The following NSMAF variants were observed in gnomAD, a reference collection of about 807,000 sequenced individuals.
The protein encoded by NSMAF is neutral sphingomyelinase activation associated factor.
A neutral mutation model predicts 134.9 loss-of-function variants in NSMAF; 90 were observed. The observed-to-expected ratio is 0.67, with a 90% CI of 0.56 to 0.79. The LOEUF (loss-of-function observed/expected upper bound fraction) is 0.79. Among genes scored for constraint, NSMAF ranks in the 30% least tolerant of loss-of-function variants. The probability of loss-of-function intolerance (pLI) is 0.00; values close to 1 mark genes in which losing one functional copy is unlikely to be tolerated. For synonymous variants in NSMAF, 358 were observed against 389.6 expected (o/e 0.92, Z 0.96); for missense variants, 1,010 against 1,119.0 (o/e 0.90, Z 1.39).
intron 9 of NSMAF, among the ~76,000 whole-genome samples, chr8:58,616,377 G>A (rs893918281): frequency 1.4e-4 from 22 of 151,816 alleles, no homozygotes; most frequent in Admixed American, 1.3e-3. Context: ...AGCAAATCCA[G>A]TAATATGTAA....
intron 11 of NSMAF, among the ~76,000 whole-genome samples, 173 bp from the exon 12 acceptor site, chr8:58,606,208 G>A (rs185855736): frequency 5.1e-4 from 78 of 151,524 alleles, no homozygotes; most frequent in African/African-American, 1.9e-3. Context: ...ACACATATAC[G>A]TTTGCGTATA....
intron 11 of NSMAF, 62 bp downstream of exon 11, chr8:58,607,707 A>T: frequency 7.6e-7 from 1 of 1,313,796 alleles, no homozygotes; most frequent in South Asian, 1.2e-5. Flanking sequence ...TACCGTCAAT[A>T]AACTGCTGGC....
chr8:58,642,128 G>A (rs2129147213), intron 2 of NSMAF, among the ~76,000 whole-genome samples: 1 of 152,258 alleles, frequency 6.6e-6, no homozygotes, highest in Non-Finnish European at 1.5e-5. Context: ...AAAACCAAGT[G>A]AGTTTTACTT....
chr8:58,626,288 G>A (rs1033502531), intron 6 of NSMAF, among the ~76,000 whole-genome samples: 11 of 72,702 alleles, frequency 1.5e-4, no homozygotes, highest in Non-Finnish European at 2.1e-4. Context: ...GTAGAGACAG[G>A]TTTCACAGTG....
rs190540725 is a variant in NSMAF at position 58,623,467 on chromosome 8, A to G, written c.457-43T>C. On this transcript the variant is annotated intron_variant, in intron 7 of 30. Coordinates refer to ENST00000038176, the MANE Select transcript of NSMAF (RefSeq NM_003580.4). ...GACATGAATTTATTTTTTCTCTCAGATGATATGAAGTATTTCTTTAGAAGC... is the reference window on the plus strand; with the variant it reads ...GACATGAATTTATTTTTTCTCTCAGGTGATATGAAGTATTTCTTTAGAAGC... The G allele has an allele frequency of 6.7e-5, 106 of 1,576,480 alleles. 2 individuals are homozygous for G. The East Asian group carries it at 2.4e-3, about 35-fold the overall frequency.
At chr8:58,628,041 T>A (rs1806976075) in intron 6 of NSMAF, among the ~76,000 whole-genome samples, 1 of 152,156 alleles carries the variant, frequency 6.6e-6, no homozygotes, top group African/African-American at 2.4e-5. Flanking sequence ...AACAGGTACA[T>A]AGACCAATGG....
chr8:58,616,452 G>C (rs1190507411), intron 9 of NSMAF, among the ~76,000 whole-genome samples: 1 of 151,748 alleles, frequency 6.6e-6, no homozygotes, highest in Non-Finnish European at 1.5e-5. Flanking sequence ...GTTTAACATT[G>C]AAAAAAATCA....
rs1807281791 is a variant in NSMAF at position 58,639,511 on chromosome 8, T to C, written c.149+3473A>G. On this transcript the variant is annotated intron_variant, in intron 2 of 30. Transcript: ENST00000038176. ...CCCTTATATACTGCTGGTGGGAATA[T>C]GAATTGGTTTAGCCATTAAAGAAAA... Among the ~76,000 whole-genome samples the C allele has an allele frequency of 2.6e-5, 4 of 152,302 alleles. No individual in the cohort carries two copies. The South Asian group carries it at 8.3e-4, about 32-fold the overall frequency.
intron 9 of NSMAF, among the ~76,000 whole-genome samples, chr8:58,614,140 C>T (rs2130072): frequency 0.25 from 38,190 of 151,884 alleles, 5,369 homozygotes; most frequent in Non-Finnish European, 0.31. Flanking sequence ...ACATATGAGG[C>T]GGGAAATTAA....
chr8:58,595,423 G>A (rs1433544428), intron 22 of NSMAF, 137 bp downstream of exon 22: 1 of 614,816 alleles, frequency 1.6e-6, no homozygotes, highest in African/African-American at 1.9e-5. Context: ...AGACATTTTG[G>A]GGAGATTTTT....
In NSMAF at chr8:58,603,260, T is replaced by C. The variant is rs771022872; in HGVS notation, c.995A>G (p.Gln332Arg). Residue 332 changes from glutamine to arginine, a missense_variant, in exon 13 of 31, where the codon CAG (glutamine) becomes CGG (arginine). Gln to Arg is a conservative substitution (Grantham distance 43, BLOSUM62 1). Coordinates refer to ENST00000038176, the MANE Select transcript of NSMAF (RefSeq NM_003580.4). ...TATTATCCATGGAAACACAGGGTAC[T>C]GGGAGAGGTCGTTGCAGCTGCGGTC... ...LADRSCNDLS[Q>R]YPVFPWIIHD... 1 of 1,614,196 alleles carries C rather than the reference T, an allele frequency of 6.2e-7. No individual in the cohort carries two copies. The highest frequency in any genetic ancestry group is 8.5e-7 in the Non-Finnish European group (1 of 1,180,026).
chr8:58,591,927 T>C (rs774573068), intron 23 of NSMAF, among the ~76,000 whole-genome samples: 1 of 152,236 alleles, frequency 6.6e-6, no homozygotes, highest in African/African-American at 2.4e-5. Context: ...TAATTTCTTC[T>C]GCACAGTATA....
rs1277042268 is a variant in NSMAF at position 58,597,454 on chromosome 8, C to A, written c.1725G>T (p.Arg575Ser). 1 of 1,613,954 alleles carries A rather than the reference C, an allele frequency of 6.2e-7. No individual in the cohort carries two copies. Among genetic ancestry groups the A allele is most frequent in the Non-Finnish European group, 8.5e-7 (1 of 1,179,938 alleles). The change falls in exon 21 of 31, where the codon AGG becomes AGT. Residue 575 changes from arginine to serine, a missense_variant. Physicochemically the swap from Arg to Ser is moderately radical, Grantham distance 110. Transcript: ENST00000038176. ...ACAAACTTTTAAACTTTGGGGTGAT[C>A]CTTCGAGGATGTGGTGTCACAAATA... Reference protein sequence around the residue: ...KQLFVTPHPRRITPKFKSLSQ... With the variant: ...KQLFVTPHPRSITPKFKSLSQ...
chr8:58,654,114 CT>C (rs941804753), intron 1 of NSMAF, among the ~76,000 whole-genome samples: 1 of 152,182 alleles, frequency 6.6e-6, no homozygotes, highest in Non-Finnish European at 1.5e-5. Context: ...GAATTAAGTC[CT>C]GACTTTATCT....
rs1175362739 is a variant in NSMAF, at chr8:58,599,883, G to A, written c.1333-13C>T. ...ATTCTGGAATTAACTGAAAGTTTCG[G>A]GGAAAAATAAAAAAGAACAACAAAC... On this transcript the variant is annotated splice_polypyrimidine_tract_variant and intron_variant, in intron 17 of 30. Coordinates refer to ENST00000038176, the MANE Select transcript of NSMAF (RefSeq NM_003580.4). The A allele has an allele frequency of 6.2e-7, 1 of 1,611,458 alleles. No individual in the cohort carries two copies. Among genetic ancestry groups the A allele is most frequent in the South Asian group, 1.1e-5 (1 of 90,376 alleles).
At chr8:58,618,967 A>C (rs182799688) in intron 9 of NSMAF, among the ~76,000 whole-genome samples, 112 of 152,258 alleles carry the variant, frequency 7.4e-4, no homozygotes, top group Middle Eastern at 3.4e-3. Flanking sequence ...ATACATTAAA[A>C]CGTTCACAGT....
intron 1 of NSMAF, among the ~76,000 whole-genome samples, chr8:58,650,133 CT>C: frequency 6.6e-6 from 1 of 152,208 alleles, no homozygotes; most frequent in East Asian, 1.9e-4. Context: ...AGTTCATCCT[CT>C]TTCAGTCTGA....
chr8:58,589,184 T>G (rs1054731540), intron 26 of NSMAF, among the ~76,000 whole-genome samples: 1 of 147,760 alleles, frequency 6.8e-6, no homozygotes, highest in Non-Finnish European at 1.5e-5. Context: ...TATAAATATA[T>G]GTAATATATA....
chr8:58,586,322 A>G lies in NSMAF; in HGVS notation c.2446+136T>C, dbSNP rs368478364. The G allele has an allele frequency of 5.9e-5, 52 of 884,970 alleles. 1 individual carries two copies. Among genetic ancestry groups the G allele is most frequent in the East Asian group, 5.3e-4 (20 of 37,994 alleles). The allele number at this position is 884,970 out of a possible 1,614,324, so 54.8% of individuals were successfully genotyped here. ...ACCCTGGCATAAAGCAGTGTTAGCC[A>G]TTGGCAAAACCTCTTTTATCAGCAA... On this transcript the variant is annotated intron_variant, in intron 28 of 30. Coordinates refer to ENST00000038176, the MANE Select transcript of NSMAF (RefSeq NM_003580.4).
Sources: gnomAD v4.1 joint callset for allele counts (sites outside exome capture counted in the v4.1 genomes callset) on GRCh38, gnomAD v4.1.1 for gene constraint, MANE v1.5 for transcripts, NCBI Gene and HGNC (gene_info 2026-07-23, HGNC 2026-07-21) for gene names.